The following EYA1 variants were observed in gnomAD, a reference collection of about 807,000 sequenced individuals.
The protein encoded by EYA1 is EYA transcriptional coactivator and phosphatase 1, also known as protein phosphatase EYA1.
Under a neutral mutation model 82.0 loss-of-function variants are expected in EYA1, and 16 were observed. That is an observed-to-expected ratio of 0.20 (90% CI 0.13 to 0.30). The LOEUF (loss-of-function observed/expected upper bound fraction) is 0.30. Among genes scored for constraint, EYA1 ranks in the 10% least tolerant of loss-of-function variants. EYA1 has a pLI of 1.00. For synonymous variants in EYA1, 261 were observed against 264.4 expected (o/e 0.99, Z 0.12); for missense variants, 633 against 730.7 (o/e 0.87, Z 1.54).
At chr8:71,344,725 G>A (rs1825521674) in intron 3 of EYA1, among the ~76,000 whole-genome samples, 1 of 152,194 alleles carries the variant, frequency 6.6e-6, no homozygotes, top group Non-Finnish European at 1.5e-5. Flanking sequence ...CCAGGGCACT[G>A]AATAAAAGTA....
intron 1 of EYA1, among the ~76,000 whole-genome samples, chr8:71,545,728 AT>A (rs1483396068): frequency 6.6e-6 from 1 of 151,462 alleles, no homozygotes; most frequent in Non-Finnish European, 1.5e-5. Context: ...CGCCCAGCTA[AT>A]TTTTTGTATT....
intron 2 of EYA1, among the ~76,000 whole-genome samples, chr8:71,415,919 G>T (rs370991147): frequency 6.6e-6 from 1 of 152,188 alleles, no homozygotes; most frequent in African/African-American, 2.4e-5. Context: ...ATATTACAAC[G>T]TGGGGATAAG....
chr8:71,349,630 A>G (rs182723734), intron 3 of EYA1, among the ~76,000 whole-genome samples: 82 of 152,326 alleles, frequency 5.4e-4, no homozygotes, highest in African/African-American at 1.9e-3. Flanking sequence ...CTGAGCACTT[A>G]TAAGTTCCAA....
intron 9 of EYA1, among the ~76,000 whole-genome samples, chr8:71,278,793 TAGTAGGG>T (rs1337605361): frequency 6.6e-6 from 1 of 152,020 alleles, no homozygotes; most frequent in Non-Finnish European, 1.5e-5. Context: ...ATTCTAAGGG[TAGTAGGG>T]GATTTCTGAT....
chr8:71,479,993 A>G (rs1810004667), intron 2 of EYA1, among the ~76,000 whole-genome samples: 1 of 152,134 alleles, frequency 6.6e-6, no homozygotes, highest in Non-Finnish European at 1.5e-5. Context: ...ATCTTCTCTG[A>G]TCTTCATAAT....
At chr8:71,330,791 A>C (rs1823747403) in intron 4 of EYA1, among the ~76,000 whole-genome samples, 1 of 152,094 alleles carries the variant, frequency 6.6e-6, no homozygotes, top group East Asian at 1.9e-4. Flanking sequence ...CAGCACAAAA[A>C]CTTCCCAGAT....
intron 11 of EYA1, among the ~76,000 whole-genome samples, chr8:71,245,647 GC>G (rs1485462553): frequency 6.6e-6 from 1 of 151,982 alleles, no homozygotes; most frequent in Non-Finnish European, 1.5e-5. Context: ...AGATTGGACA[GC>G]CCTGCACTAT....
chr8:71,201,208 C>T (rs61113236), intron 17 of EYA1, among the ~76,000 whole-genome samples: 20,773 of 148,102 alleles, frequency 0.14, 2,673 homozygotes, highest in East Asian at 0.67. Context: ...AGAGGTACTA[C>T]TATTACTATT....
intron 2 of EYA1, among the ~76,000 whole-genome samples, chr8:71,487,978 C>T (rs902137591): frequency 2.0e-5 from 3 of 152,030 alleles, no homozygotes; most frequent in Non-Finnish European, 4.4e-5. Context: ...GTGCAAATAT[C>T]CAATAAAAGC....
At chr8:71,277,770 T>G (rs1817370302) in intron 9 of EYA1, among the ~76,000 whole-genome samples, 1 of 152,136 alleles carries the variant, frequency 6.6e-6, no homozygotes, top group Admixed American at 6.5e-5. Flanking sequence ...ATTAAAAAAT[T>G]GATGATTAGA....
At chr8:71,474,196 A>AT (rs1417376650) in intron 2 of EYA1, among the ~76,000 whole-genome samples, 2 of 135,634 alleles carry the variant, frequency 1.5e-5, no homozygotes, top group East Asian at 4.8e-4. Flanking sequence ...TTAAAGTAAA[A>AT]TTAAAAAAAA....
rs66707741 is a variant in EYA1 at position 71,427,978 on chromosome 8, C to CAA, written c.34-71469_34-71468dup. 5.5e-3 allele frequency among the ~76,000 whole-genome samples: 779 copies of CAA among 140,384 alleles called. 7 individuals are homozygous for CAA. Among genetic ancestry groups the CAA allele is most frequent in the African/African-American group, 0.02 (754 of 37,906 alleles). 92.1% of individuals were successfully genotyped at this position (140,384 alleles called of 152,430 possible). A position where few individuals can be genotyped will look rare whatever the true frequency, so the allele number is the denominator to read the frequency against. On this transcript the variant is annotated intron_variant, in intron 2 of 18. Transcript: ENST00000643681. ...TGGGGGACAGAGAGAGACCTTGTCT[C>CAA]AAAAAAAAAAAAAAGAGATGAATCA...
chr8:71,517,767 G>A (rs1813083978), intron 2 of EYA1, among the ~76,000 whole-genome samples: 1 of 147,246 alleles, frequency 6.8e-6, no homozygotes, highest in Non-Finnish European at 1.5e-5. Flanking sequence ...TAAATAATTT[G>A]GAGATATATA....
intron 2 of EYA1, among the ~76,000 whole-genome samples, chr8:71,535,437 C>T (rs1814637737): frequency 6.6e-6 from 1 of 152,130 alleles, no homozygotes; most frequent in Non-Finnish European, 1.5e-5. Context: ...TATGCTTTCC[C>T]TGAGGCAAAG....
chr8:71,328,088 C>T (rs183041387), intron 4 of EYA1, among the ~76,000 whole-genome samples: 16 of 152,110 alleles, frequency 1.1e-4, no homozygotes, highest in African/African-American at 3.4e-4. Flanking sequence ...ACCTCCTGTC[C>T]TGGTGATCTC....
chr8:71,518,682 C>A (rs192102626), intron 2 of EYA1, among the ~76,000 whole-genome samples: 1 of 152,260 alleles, frequency 6.6e-6, no homozygotes, highest in Non-Finnish European at 1.5e-5. Flanking sequence ...AATGCAAAAA[C>A]AAGCAAACAT....
chr8:71,342,247 T>G (rs868085183), intron 3 of EYA1, among the ~76,000 whole-genome samples: 2 of 152,194 alleles, frequency 1.3e-5, no homozygotes, highest in Admixed American at 6.5e-5. Context: ...TCCAAATTCC[T>G]TAGCTTACTA....
intron 3 of EYA1, among the ~76,000 whole-genome samples, chr8:71,347,277 T>G (rs1180419442): frequency 6.6e-6 from 1 of 152,188 alleles, no homozygotes; most frequent in East Asian, 1.9e-4. Flanking sequence ...TTAAACCCTC[T>G]AAAATGAGGT....
At chr8:71,420,147 A>G (rs1000318044) in intron 2 of EYA1, among the ~76,000 whole-genome samples, 1 of 152,196 alleles carries the variant, frequency 6.6e-6, no homozygotes, top group African/African-American at 2.4e-5. Flanking sequence ...ATCTCATTAT[A>G]AGAGTTTTCA....
Sources: gnomAD v4.1 joint callset for allele counts (sites outside exome capture counted in the v4.1 genomes callset) on GRCh38, gnomAD v4.1.1 for gene constraint, MANE v1.5 for transcripts, NCBI Gene and HGNC (gene_info 2026-07-23, HGNC 2026-07-21) for gene names.